Variants in DEF8 observed in about 807,000 individuals in gnomAD.
The protein encoded by DEF8 is differentially expressed in FDCP 8 homolog.
Under a neutral mutation model 59.1 loss-of-function variants are expected in DEF8, and 38 were observed. The ratio of observed to expected loss-of-function variants is 0.64; its 90% CI spans 0.50 to 0.84. The LOEUF is 0.84. Ranked by LOEUF, DEF8 falls within the 40% of genes least tolerant of loss-of-function variation. The pLI is 0.00. For synonymous variants in DEF8, 265 were observed against 250.1 expected, an observed-to-expected ratio of 1.06 and a Z score of -0.56; for missense variants, 557 against 615.2, an observed-to-expected ratio of 0.91 and a Z score of 1.00.
At chr16:89,957,292 G>T in intron 4 of DEF8, 1 of 440,468 alleles carries the variant, frequency 2.3e-6, no homozygotes, top group Non-Finnish European at 4.0e-6. Flanking sequence ...GAGGTCTGTG[G>T]GCAGGCAGGT....
At chr16:89,956,035 T>G (rs188426598) in intron 4 of DEF8, among the ~76,000 whole-genome samples, 1 of 152,114 alleles carries the variant, frequency 6.6e-6, no homozygotes, top group African/African-American at 2.4e-5. Context: ...ACTGCGCCAC[T>G]GCACTCCAGC....
intron 11 of DEF8, 53 bp downstream of exon 11, chr16:89,964,363 T>G (rs891475161): frequency 6.5e-7 from 1 of 1,544,458 alleles, no homozygotes; most frequent in Non-Finnish European, 8.7e-7. Context: ...TGAGGGGGGA[T>G]TGGCAGGAGA....
intron 2 of DEF8, chr16:89,950,254 G>A (rs1393024144): frequency 3.0e-6 from 3 of 985,700 alleles, no homozygotes; most frequent in African/African-American, 1.7e-5. Flanking sequence ...GTGCCAGTCT[G>A]TTCTGAGCAG....
At position 89,961,033 on chromosome 16, in the gene DEF8, C is replaced by G. The variant is rs1372410638; in HGVS notation, c.617C>G (p.Pro206Arg). ...GCTGAATACGAACTGAACATCTGCC[C>G]TGAGACAGGGCTGGACAGCCAGGAT... is the stretch of plus-strand genomic sequence containing the variant. The part of the protein sequence containing the change: ...HQAEYELNIC[P>R]ETGLDSQDYR... Residue 206 changes from proline (P) to arginine (R), a missense_variant, in exon 7 of 13, where the codon CCT becomes CGT. Coordinates refer to ENST00000563594, the MANE Select transcript of DEF8 (RefSeq NM_001242818.2). The G allele has an allele frequency of 1.2e-6, 2 of 1,614,140 alleles. No individual in the cohort carries two copies. The highest frequency in any genetic ancestry group is 1.7e-5 in the Admixed American group (1 of 60,028).
At chr16:89,949,555 G>T (rs2031566210) in intron 2 of DEF8, 42 bp downstream of exon 2, 1 of 1,613,306 alleles carries the variant, frequency 6.2e-7, no homozygotes. Context: ...ACACCGGGGT[G>T]ACTTCTCAGG....
Position 89,949,511 on chromosome 16 carries a change from C to G in DEF8, c.-13C>G. On this transcript the variant is annotated splice_region_variant and 5_prime_UTR_variant, in exon 2 of 13. Coordinates refer to ENST00000563594, the MANE Select transcript of DEF8 (RefSeq NM_001242818.2). ...AGCCCCTGGGCCCTGGCAGGCGATG[C>G]AGGTATGGGCAGACAGGACGCTGTT... The G allele has an allele frequency of 6.2e-7, 1 of 1,613,198 alleles. No individual in the cohort carries two copies. The highest frequency in any genetic ancestry group is 8.5e-7 in the Non-Finnish European group (1 of 1,179,894).
At position 89,957,670 on chromosome 16, in the gene DEF8, G is replaced by T; in HGVS notation, c.372+10G>T. On this transcript the variant is annotated intron_variant, in intron 5 of 12. Coordinates refer to ENST00000563594, the MANE Select transcript of DEF8 (RefSeq NM_001242818.2). ...GCTCCAGGAGCTGAAGGTGGGTGTG[G>T]GGCCGCCCCGCCGTGGGGCAGCCTG... The T allele has an allele frequency of 5.8e-6, 9 of 1,540,806 alleles. No homozygotes were observed. The highest frequency in any genetic ancestry group is 7.9e-6 in the Non-Finnish European group (9 of 1,140,836).
At chr16:89,962,426 G>C (rs996441155) in intron 9 of DEF8, among the ~76,000 whole-genome samples, 2 of 152,242 alleles carry the variant, frequency 1.3e-5, no homozygotes, top group Admixed American at 6.5e-5. Context: ...GGGAGGCTGA[G>C]GTGGGTGGAT....
rs553044006 is a variant in DEF8 at position 89,954,806 on chromosome 16, G to A, written c.125-363G>A. Among the ~76,000 whole-genome samples, 9 of 152,258 alleles carry A rather than the reference G, an allele frequency of 5.9e-5. No homozygotes were observed. In the East Asian group the frequency reaches 1.2e-3, roughly 20 times the overall value. On this transcript the variant is annotated intron_variant, in intron 3 of 12. Transcript: ENST00000563594. The surrounding 1 kb of genome is among the most constrained non-coding windows in gnomAD (Gnocchi z 4.3). ...AGAGACGGCCTGGAGTCGACACTGG[G>A]GTTCGTGGATTTTGCTGTGTAGCCA... is the stretch of plus-strand genomic sequence containing the variant.
At position 89,954,158 on chromosome 16, in the gene DEF8, G is replaced by C. The variant is rs1036460145; in HGVS notation, c.-10-85G>C. The C allele has an allele frequency of 9.5e-6, 14 of 1,469,228 alleles. No individual in the cohort carries two copies. The highest frequency in any genetic ancestry group is 1.3e-5 in the Non-Finnish European group (14 of 1,073,988). The allele number at this position is 1,469,228 out of a possible 1,614,324, so 91.0% of individuals were successfully genotyped here. A position where few individuals can be genotyped will look rare whatever the true frequency, so the allele number is the denominator to read the frequency against. On this transcript the variant is annotated intron_variant, in intron 2 of 12. Coordinates refer to ENST00000563594, the MANE Select transcript of DEF8 (RefSeq NM_001242818.2). This position sits in a 1 kb window ranked among gnomAD's most constrained non-coding sequence, Gnocchi z 4.3. ...AGTGAAAGAGGCCAGCCTCACCCCA[G>C]ACACCCCAGTGTGGTTGGGGAAAGG...
Position 89,955,235 on chromosome 16 carries a change from G to T in DEF8, c.191G>T (p.Gly64Val), listed in dbSNP as rs2032955931. ...TGCCCTGAACGCGTGATGGATCTCG[G>T]CCTGTCTGAGGACCACTTCTCCCGC... The part of the protein sequence containing the change: ...FRCPERVMDL[G>V]LSEDHFSRPV... Residue 64 changes from glycine to valine, a missense_variant, in exon 4 of 13, where the codon GGC becomes GTC. Physicochemically the swap from Gly to Val is moderately radical, Grantham distance 109 (BLOSUM62 -3). Coordinates refer to ENST00000563594, the MANE Select transcript of DEF8 (RefSeq NM_001242818.2). 6.2e-7 allele frequency: 1 copy of T among 1,613,534 alleles called. No homozygotes were observed. Among genetic ancestry groups the T allele is most frequent in the East Asian group, 2.2e-5 (1 of 44,854 alleles).
At chr16:89,962,278 CT>C (rs2034123880) in intron 9 of DEF8, among the ~76,000 whole-genome samples, 153 bp downstream of exon 9, 1 of 152,206 alleles carries the variant, frequency 6.6e-6, no homozygotes, top group Non-Finnish European at 1.5e-5. Context: ...CGCGGCTGCC[CT>C]TTTGGTTGAA....
chr16:89,962,149 G>A (rs747282466), intron 9 of DEF8, 24 bp downstream of exon 9: 1 of 1,595,548 alleles, frequency 6.3e-7, no homozygotes, highest in Non-Finnish European at 8.6e-7. Flanking sequence ...CATGGAAGTG[G>A]GGGGCGGGGG....
At chr16:89,956,532 C>T (rs1322812524) in intron 4 of DEF8, 1 of 151,920 alleles carries the variant, frequency 6.6e-6, no homozygotes, top group Non-Finnish European at 1.5e-5. Context: ...GAGATAAGGT[C>T]TCGCTCTGTT....
intron 4 of DEF8, among the ~76,000 whole-genome samples, chr16:89,955,633 G>C (rs1258676061): frequency 1.3e-5 from 2 of 152,188 alleles, no homozygotes; most frequent in Non-Finnish European, 2.9e-5. Context: ...CTTGCCGAGA[G>C]TCAGGGTGTG....
At chr16:89,962,539 C>T (rs1482229658) in intron 9 of DEF8, among the ~76,000 whole-genome samples, 2 of 151,946 alleles carry the variant, frequency 1.3e-5, no homozygotes, top group Admixed American at 1.3e-4. Flanking sequence ...TGCCTGTATC[C>T]CAGCTACTCG....
chr16:89,957,787 G>A (rs938963506), intron 5 of DEF8, 127 bp downstream of exon 5: 3 of 1,191,534 alleles, frequency 2.5e-6, no homozygotes, highest in South Asian at 3.3e-5. Flanking sequence ...CAGGGGCTGA[G>A]GTAGAAGGGC....
Position 89,948,788 on chromosome 16 carries a change from G to C in DEF8, c.-134G>C. On this transcript the variant is annotated 5_prime_UTR_variant, in exon 1 of 13. Transcript: ENST00000563594. The stretch of plus-strand genomic sequence containing the variant: ...GCGGCCGGGCGGATCCAGCGCAGCC[G>C]GGAGACAGATGCGAGGCGGCGGTCA... 2 of 984,056 alleles carry C rather than the reference G, an allele frequency of 2.0e-6. No individual in the cohort carries two copies. The highest frequency in any genetic ancestry group is 2.4e-6 in the Non-Finnish European group (2 of 829,454). 61.0% of individuals were successfully genotyped at this position (984,056 alleles called of 1,614,324 possible).
Position 89,964,525 on chromosome 16 carries a change from GTTCGACAGCC to G in DEF8, c.1204_1213del (p.Phe402ThrfsTer32). 1 of 1,596,256 alleles carries G rather than the reference GTTCGACAGCC, an allele frequency of 6.3e-7. No individual in the cohort carries two copies. Among genetic ancestry groups the G allele is most frequent in the South Asian group, 1.1e-5 (1 of 88,238 alleles). On this transcript the variant is annotated frameshift_variant, in exon 12 of 13. Transcript: ENST00000563594. LOFTEE classifies it high-confidence loss of function. ...GCAGAGAGGGCGACGTGCTGTTCCC[GTTCGACAGCC>G]ACACGTCTGTGTGCGCCGACTGCTC...
Sources: allele counts gnomAD v4.1 joint callset (sites outside exome capture counted in the v4.1 genomes callset), GRCh38; gene constraint gnomAD v4.1.1; non-coding constraint Gnocchi (gnomAD v3.1); transcripts MANE v1.5; gene names NCBI Gene and HGNC (gene_info 2026-07-23, HGNC 2026-07-21).